CNTNAP2: variants seen among roughly 807,000 people sequenced by gnomAD.
The protein encoded by CNTNAP2 is contactin associated protein 2, also known as contactin-associated protein-like 2.
A neutral mutation model predicts 155.2 loss-of-function variants in CNTNAP2; 98 were observed. The ratio of observed to expected loss-of-function variants is 0.63; its 90% CI spans 0.54 to 0.75. The LOEUF is 0.75. CNTNAP2 is among the 30% of genes least tolerant of loss of function. The pLI is 0.00. For synonymous variants in CNTNAP2, 651 were observed against 631.2 expected, an observed-to-expected ratio of 1.03 and a Z score of -0.47; for missense variants, 1,727 against 1,688.1, an observed-to-expected ratio of 1.02 and a Z score of -0.40.
chr7:147,663,264 G>A (rs55685815), intron 13 of CNTNAP2, among the ~76,000 whole-genome samples: 20,200 of 152,206 alleles, frequency 0.13, 1,591 homozygotes, highest in Middle Eastern at 0.3. Flanking sequence ...CCAACGTGCT[G>A]GGATTACAGG....
intron 1 of CNTNAP2, among the ~76,000 whole-genome samples, chr7:146,249,199 G>T (rs1799717917): frequency 6.6e-6 from 1 of 152,146 alleles, no homozygotes. Flanking sequence ...GGATATGATG[G>T]CTTAGCTTGG....
chr7:147,303,395 C>T (rs560076181), intron 9 of CNTNAP2, among the ~76,000 whole-genome samples: 38 of 152,238 alleles, frequency 2.5e-4, no homozygotes, highest in East Asian at 1.7e-3. Context: ...GTGGGTGTAC[C>T]GTTTCTGCAC....
At chr7:147,431,140 T>G (rs1797460183) in intron 10 of CNTNAP2, among the ~76,000 whole-genome samples, 1 of 152,138 alleles carries the variant, frequency 6.6e-6, no homozygotes, top group Non-Finnish European at 1.5e-5. Flanking sequence ...ATGACTGGCT[T>G]GTTGAATTCA....
At chr7:147,768,060 A>G (rs991890568) in intron 13 of CNTNAP2, among the ~76,000 whole-genome samples, 1 of 152,258 alleles carries the variant, frequency 6.6e-6, no homozygotes, top group African/African-American at 2.4e-5. Context: ...CACTCTTGAC[A>G]GTCTTCCCTA....
chr7:146,726,392 A>AT (rs1005907710), intron 1 of CNTNAP2, among the ~76,000 whole-genome samples: 3 of 151,846 alleles, frequency 2.0e-5, no homozygotes, highest in South Asian at 2.1e-4. Context: ...TAAGAGAACT[A>AT]TTTTTTTTCT....
chr7:147,794,894 T>G (rs930242783), intron 13 of CNTNAP2, among the ~76,000 whole-genome samples: 2 of 151,900 alleles, frequency 1.3e-5, no homozygotes, highest in African/African-American at 4.8e-5. Context: ...ATAGTTTCCC[T>G]TATCATCTTT....
intron 4 of CNTNAP2, among the ~76,000 whole-genome samples, chr7:147,099,780 G>A (rs1283007004): frequency 2.0e-5 from 3 of 152,106 alleles, no homozygotes; most frequent in Non-Finnish European, 4.4e-5. Context: ...CATCTGTGTA[G>A]CATTTACTTA....
chr7:146,586,645 T>G (rs1025696642), intron 1 of CNTNAP2, among the ~76,000 whole-genome samples: 1 of 152,252 alleles, frequency 6.6e-6, no homozygotes, highest in East Asian at 1.9e-4. Flanking sequence ...ACATATGTAT[T>G]AACTAACACA....
rs535161951 is a variant in CNTNAP2 at position 148,388,266 on chromosome 7, G to T, written c.3715+4378G>T. On this transcript the variant is annotated intron_variant, in intron 22 of 23. Coordinates refer to ENST00000361727, the MANE Select transcript of CNTNAP2 (RefSeq NM_014141.6). ...CCACTAACTCATCATCTAGCATTAG[G>T]TATATCTCCCAGTGCTATCCCTCCC... Among the ~76,000 whole-genome samples the T allele has an allele frequency of 3.8e-4, 57 of 151,408 alleles. No homozygotes were observed. The East Asian group carries it at 0.011, about 30-fold the overall frequency.
At chr7:146,622,023 T>A (rs1247833144) in intron 1 of CNTNAP2, among the ~76,000 whole-genome samples, 1 of 152,120 alleles carries the variant, frequency 6.6e-6, no homozygotes, top group East Asian at 1.9e-4. Flanking sequence ...CACTGGAAAC[T>A]CTTTCAGTTG....
chr7:146,980,348 G>C (rs533088101), intron 3 of CNTNAP2, among the ~76,000 whole-genome samples: 2 of 152,334 alleles, frequency 1.3e-5, no homozygotes, highest in East Asian at 3.9e-4. Flanking sequence ...AACTCAAGCT[G>C]CTGTAACACA....
chr7:146,711,219 T>C (rs1801063491), intron 1 of CNTNAP2, among the ~76,000 whole-genome samples: 1 of 147,930 alleles, frequency 6.8e-6, no homozygotes, highest in South Asian at 2.1e-4. Context: ...CATACACATA[T>C]ATTTTATATA....
At chr7:147,648,860 T>G (rs1795408108) in intron 13 of CNTNAP2, among the ~76,000 whole-genome samples, 2 of 152,164 alleles carry the variant, frequency 1.3e-5, no homozygotes, top group Admixed American at 6.5e-5. Context: ...ATATCTATCC[T>G]ATTAAAAACC....
chr7:147,995,319 G>A lies in CNTNAP2; in HGVS notation c.2383+17330G>A, dbSNP rs1419649534. ...AATCTAACTTGGTGGGCCAGCCATG[G>A]GAAGCACTTCTCCAGCACAAGGATG... On this transcript the variant is annotated intron_variant, in intron 15 of 23. Coordinates refer to ENST00000361727, the MANE Select transcript of CNTNAP2 (RefSeq NM_014141.6). Among the ~76,000 whole-genome samples, 4 of 152,144 alleles carry A rather than the reference G, an allele frequency of 2.6e-5. No homozygotes were observed. In the Middle Eastern group the frequency reaches 0.01, roughly 388 times the overall value.
chr7:146,286,980 A>C (rs2129085894), intron 1 of CNTNAP2, among the ~76,000 whole-genome samples: 1 of 152,138 alleles, frequency 6.6e-6, no homozygotes, highest in African/African-American at 2.4e-5. Context: ...TTCCCCCCAA[A>C]ACAGGTGATG....
intron 3 of CNTNAP2, among the ~76,000 whole-genome samples, chr7:146,973,085 A>G (rs116839507): frequency 0.012 from 1,765 of 152,174 alleles, 37 homozygotes; most frequent in African/African-American, 0.04. Context: ...CTGGAGTGCA[A>G]TGGCACGATC....
chr7:147,309,527 T>C, intron 9 of CNTNAP2, among the ~76,000 whole-genome samples: 1 of 152,144 alleles, frequency 6.6e-6, no homozygotes, highest in East Asian at 1.9e-4. Context: ...ATTTTCCCTC[T>C]GGTCCATTAT....
At chr7:147,703,739 T>C (rs1407880331) in intron 13 of CNTNAP2, among the ~76,000 whole-genome samples, 1 of 152,222 alleles carries the variant, frequency 6.6e-6, no homozygotes, top group Non-Finnish European at 1.5e-5. Context: ...CTTGCTGTTT[T>C]GAAATATACA....
At chr7:146,887,713 G>T (rs188675431) in intron 3 of CNTNAP2, among the ~76,000 whole-genome samples, 3 of 151,966 alleles carry the variant, frequency 2.0e-5, no homozygotes, top group Non-Finnish European at 4.4e-5. Context: ...GTTGAGTCTG[G>T]CCTTAATAAA....
Sources: gnomAD v4.1 joint callset for allele counts (sites outside exome capture counted in the v4.1 genomes callset) on GRCh38, gnomAD v4.1.1 for gene constraint, MANE v1.5 for transcripts, NCBI Gene and HGNC (gene_info 2026-07-23, HGNC 2026-07-21) for gene names.